Variants in CCDC88A observed in about 807,000 individuals in gnomAD.
CCDC88A encodes the protein coiled-coil and HOOK domain protein 88A, also known as girdin.
Under a neutral mutation model 234.3 loss-of-function variants are expected in CCDC88A, and 54 were observed. That is an observed-to-expected ratio of 0.23 (90% CI 0.19 to 0.29). The LOEUF is 0.29. Ranked by LOEUF, CCDC88A falls within the 10% of genes least tolerant of loss-of-function variation. CCDC88A has a pLI of 1.00. For missense variants in CCDC88A, 1,832 were observed against 2,123.4 expected (o/e 0.86, Z 2.70); for synonymous variants, 753 against 737.8 (o/e 1.02, Z -0.33).
intron 18 of CCDC88A, among the ~76,000 whole-genome samples, chr2:55,321,390 A>C (rs150968109): frequency 6.6e-6 from 1 of 152,032 alleles, no homozygotes; most frequent in Non-Finnish European, 1.5e-5. Context: ...TCTCTACTAA[A>C]AATACAAAAA....
rs184379777 is a variant in CCDC88A, at chr2:55,365,061, C to T, written c.403-1028G>A. Among the ~76,000 whole-genome samples, 25 of 152,206 alleles carry T rather than the reference C, an allele frequency of 1.6e-4. No homozygotes were observed. In the East Asian group the frequency reaches 4.6e-3, roughly 28 times the overall value. ...TTATCAAACTGTAATGCTATATTTT[C>T]TACTACTATACAATTTAAATACACT... On this transcript the variant is annotated intron_variant, in intron 5 of 32. Coordinates refer to ENST00000436346, the MANE Select transcript of CCDC88A (RefSeq NM_001365480.1).
chr2:55,295,563 A>G (rs1242193861), intron 31 of CCDC88A, 34 bp downstream of exon 31: 2 of 1,614,158 alleles, frequency 1.2e-6, no homozygotes, highest in East Asian at 4.5e-5. Context: ...GATGTCAAGT[A>G]TATGAGAGGA....
At chr2:55,333,444 G>A (rs976932761) in intron 15 of CCDC88A, among the ~76,000 whole-genome samples, 6 of 152,116 alleles carry the variant, frequency 3.9e-5, no homozygotes, top group Non-Finnish European at 7.4e-5. Context: ...GCTCAGTGTT[G>A]AATGGTTGAA....
chr2:55,359,765 G>GA (rs1671052687), intron 7 of CCDC88A, among the ~76,000 whole-genome samples: 1 of 151,608 alleles, frequency 6.6e-6, no homozygotes, highest in South Asian at 2.1e-4. Context: ...TAGTTTGTCA[G>GA]TTTTTTGCTC....
chr2:55,377,552 G>C (rs761034713), intron 3 of CCDC88A, among the ~76,000 whole-genome samples: 38 of 152,040 alleles, frequency 2.5e-4, no homozygotes, highest in African/African-American at 9.2e-4. Flanking sequence ...TAAGTCAGAC[G>C]AAAGAGCCTT....
intron 29 of CCDC88A, 198 bp from the exon 30 acceptor site, chr2:55,296,721 T>C (rs1680070290): frequency 3.4e-6 from 2 of 595,644 alleles, no homozygotes; most frequent in Admixed American, 3.2e-5. Context: ...TTCCTTATTT[T>C]GTCAAACTGA....
intron 2 of CCDC88A, among the ~76,000 whole-genome samples, chr2:55,411,227 G>T (rs199865521): frequency 6.6e-6 from 1 of 152,182 alleles, no homozygotes; most frequent in South Asian, 2.1e-4. Context: ...AAGAAAGTCA[G>T]CTGGTGTCCT....
rs13422645 is a variant in CCDC88A, at chr2:55,346,097, G to A, written c.1041+78C>T. Reference sequence around the variant, plus strand: ...GTTCACCATTTCAAGAGTTTCTCATGTTTATTAACTGCATTTTAAATGTGT... The same window carrying A: ...GTTCACCATTTCAAGAGTTTCTCATATTTATTAACTGCATTTTAAATGTGT... On this transcript the variant is annotated intron_variant, in intron 10 of 32. Coordinates refer to ENST00000436346, the MANE Select transcript of CCDC88A (RefSeq NM_001365480.1). 5.2e-3 allele frequency: 5,168 copies of A among 999,170 alleles called. 178 individuals carry two copies. In the African/African-American group the frequency reaches 0.073, roughly 14 times the overall value. The allele number at this position is 999,170 out of a possible 1,614,324, so 61.9% of individuals were successfully genotyped here.
intron 7 of CCDC88A, 124 bp from the exon 8 acceptor site, chr2:55,355,875 C>G (rs1372751980): frequency 4.5e-6 from 3 of 666,040 alleles, no homozygotes; most frequent in African/African-American, 3.6e-5. Flanking sequence ...TCAAAAACAT[C>G]TTAACTATCA....
At chr2:55,416,460 A>G (rs1681464853) in intron 2 of CCDC88A, among the ~76,000 whole-genome samples, 1 of 86,970 alleles carries the variant, frequency 1.1e-5, no homozygotes, top group Non-Finnish European at 2.2e-5. Context: ...ATATATATAT[A>G]TATATATATA....
intron 2 of CCDC88A, among the ~76,000 whole-genome samples, chr2:55,398,230 C>G (rs191109333): frequency 6.6e-6 from 1 of 152,130 alleles, no homozygotes; most frequent in Admixed American, 6.5e-5. Flanking sequence ...AATAGAATAG[C>G]GGAGTTCTTG....
chr2:55,343,869 C>T (rs919922740), intron 11 of CCDC88A, 77 bp from the exon 12 acceptor site: 4 of 1,194,116 alleles, frequency 3.3e-6, no homozygotes, highest in Non-Finnish European at 4.6e-6. Context: ...TTATTTCTCA[C>T]AACTTTTATT....
At position 55,309,937 on chromosome 2, in the gene CCDC88A, C is replaced by G. The variant is rs573209442; in HGVS notation, c.4080-683G>C. On this transcript the variant is annotated intron_variant, in intron 23 of 32. Coordinates refer to ENST00000436346, the MANE Select transcript of CCDC88A (RefSeq NM_001365480.1). The surrounding 1 kb of genome is among the most constrained non-coding windows in gnomAD (Gnocchi z 5.1). The stretch of plus-strand genomic sequence containing the variant: ...ATATATATAAAATGACTATATAATC[C>G]AAGGTAGTAGCAGTACCAAAATAAA... Among the ~76,000 whole-genome samples, 1 of 151,502 alleles carries G rather than the reference C, an allele frequency of 6.6e-6. No homozygotes were observed. The highest frequency in any genetic ancestry group is 1.5e-5 in the Non-Finnish European group (1 of 67,920).
At chr2:55,410,229 T>G (rs752143909) in intron 2 of CCDC88A, among the ~76,000 whole-genome samples, 20 of 152,122 alleles carry the variant, frequency 1.3e-4, no homozygotes, top group Non-Finnish European at 2.9e-4. Context: ...TACAAGAGCT[T>G]AGACCTTGTG....
At chr2:55,391,640 C>G (rs1226304282) in intron 2 of CCDC88A, among the ~76,000 whole-genome samples, 1 of 152,126 alleles carries the variant, frequency 6.6e-6, no homozygotes, top group Non-Finnish European at 1.5e-5. Flanking sequence ...AAATTCACCG[C>G]AGGAGCTTAA....
In CCDC88A at chr2:55,295,331, A is replaced by G. The variant is rs767469138; in HGVS notation, c.5551+266T>C. 5.4e-6 allele frequency: 8 copies of G among 1,495,218 alleles called. No homozygotes were observed. In the South Asian group the frequency reaches 9.7e-5, roughly 18 times the overall value. The allele number at this position is 1,495,218 out of a possible 1,614,324, so 92.6% of individuals were successfully genotyped here. On this transcript the variant is annotated intron_variant, in intron 31 of 32. Transcript: ENST00000436346. ...CACTTATGTTACTAACTAATTCTGT[A>G]TTCAGGGATAAGAATGGCTGAGATG... is the stretch of plus-strand genomic sequence containing the variant.
intron 2 of CCDC88A, chr2:55,417,722 C>T (rs1455280928): frequency 6.6e-6 from 1 of 151,956 alleles, no homozygotes; most frequent in Non-Finnish European, 1.5e-5. Context: ...GAGAAGTTAA[C>T]ACGAGAGCAA....
intron 3 of CCDC88A, among the ~76,000 whole-genome samples, chr2:55,384,342 A>C (rs1006329083): frequency 8.0e-6 from 1 of 124,906 alleles, no homozygotes; most frequent in African/African-American, 2.8e-5. Flanking sequence ...AAAAAAATCC[A>C]GAAGTGTATA....
rs1676130971 is a variant in CCDC88A at position 55,388,839 on chromosome 2, T to A, written c.212A>T (p.Asp71Val). 6.5e-7 allele frequency: 1 copy of A among 1,541,764 alleles called. No homozygotes were observed. The highest frequency in any genetic ancestry group is 8.8e-7 in the Non-Finnish European group (1 of 1,130,106). Residue 71 changes from aspartate (D) to valine (V), a missense_variant, in exon 3 of 33, where the codon GAT (aspartate) becomes GTT (valine). Asp to Val is a radical substitution (Grantham distance 152). This residue lies in a region of CCDC88A where 84 missense variants were observed against 80.9 expected (regional missense o/e 1.04). Coordinates refer to ENST00000436346, the MANE Select transcript of CCDC88A (RefSeq NM_001365480.1). ...TAGATTGTGCATTCTAAGTGAGGCA[T>A]CATTATTGACTTTTTTATTTACTCT... ...SQRVNKKVNN[D>V]ASLRMHNLSI... is the part of the protein sequence containing the mutation.
Sources: allele counts gnomAD v4.1 joint callset (sites outside exome capture counted in the v4.1 genomes callset), GRCh38; gene constraint gnomAD v4.1.1; regional missense constraint gnomAD v4.1.1; non-coding constraint Gnocchi (gnomAD v3.1); transcripts MANE v1.5; gene names NCBI Gene and HGNC (gene_info 2026-07-23, HGNC 2026-07-21).